Variants in LAMA1 observed in about 807,000 individuals in gnomAD.
The protein encoded by LAMA1 is laminin subunit alpha-1.
In LAMA1, 219 loss-of-function variants were observed where a neutral mutation model predicts 348.7. The observed-to-expected ratio is 0.63, with a 90% confidence interval of 0.56 to 0.70. The LOEUF (loss-of-function observed/expected upper bound fraction) is 0.70. LAMA1 is among the 30% of genes least tolerant of loss of function. LAMA1 has a pLI of 0.00. For synonymous variants in LAMA1, 1,487 were observed against 1,491.0 expected, an observed-to-expected ratio of 1.00 and a Z score of 0.06; for missense variants, 3,744 against 3,888.0, an observed-to-expected ratio of 0.96 and a Z score of 0.99.
intron 57 of LAMA1, among the ~76,000 whole-genome samples, chr18:6,951,561 T>G (rs2143977406): frequency 6.6e-6 from 1 of 152,230 alleles, no homozygotes; most frequent in South Asian, 2.1e-4. Context: ...GTGTTTGGAT[T>G]TTCGGCACAG....
In LAMA1 at chr18:7,021,590, G is replaced by T. The variant is rs79563293; in HGVS notation, c.2701+1574C>A. Among the ~76,000 whole-genome samples the T allele has an allele frequency of 4.4e-3, 670 of 151,698 alleles. 14 individuals carry two copies. The highest frequency in any genetic ancestry group is 0.04 in the East Asian group (205 of 5,154). ...ATTTTGATGACTCAGTACTAAAAAA[G>T]AAAGTAAATATTGCTTAATACTTTT... On this transcript the variant is annotated intron_variant, in intron 19 of 62. Coordinates refer to ENST00000389658, the MANE Select transcript of LAMA1 (RefSeq NM_005559.4).
rs748785300 is a variant in LAMA1 at position 6,985,299 on chromosome 18, G to A, written c.5598C>T (p.Asp1866=). 1 of 1,614,206 alleles carries A rather than the reference G, an allele frequency of 6.2e-7. No individual in the cohort carries two copies. The highest frequency in any genetic ancestry group is 8.5e-7 in the Non-Finnish European group (1 of 1,180,028). Residue 1866 remains aspartate, a synonymous_variant, in exon 39 of 63, where the codon GAC becomes GAT. Transcript: ENST00000389658. ...CATGGTCCTCAGCTCTGTAGACCAG[G>A]TCGACTGCGTTCCTTTGGGACATGT... The part of the protein sequence containing the change: ...VMHMSQRNAV[D]LVYRAEDHAA...
Position 6,965,430 on chromosome 18 carries a change from T to G in LAMA1, c.7053A>C (p.Lys2351Asn). 1 of 1,614,156 alleles carries G rather than the reference T, an allele frequency of 6.2e-7. No homozygotes were observed. The highest frequency in any genetic ancestry group is 8.5e-7 in the Non-Finnish European group (1 of 1,180,006). ...LLLYLGSYGTKDFLSIELFRG... is the reference protein window; with the variant it reads ...LLLYLGSYGTNDFLSIELFRG... Reference sequence around the variant, plus strand: ...GAAACAGCTCGATGGATAAAAAGTCTTTCTGTAAAAAAGAGAACACAGTTC... The same window carrying G: ...GAAACAGCTCGATGGATAAAAAGTCGTTCTGTAAAAAAGAGAACACAGTTC... The change falls in exon 50 of 63, where the codon AAA (lysine) becomes AAC (asparagine). Residue 2351 changes from lysine (K) to asparagine (N), a missense_variant and splice_region_variant. Physicochemically the swap from Lys to Asn is moderately conservative, Grantham distance 94 (BLOSUM62 0). Transcript: ENST00000389658.
At chr18:7,021,848 T>A (rs1555654364) in intron 19 of LAMA1, among the ~76,000 whole-genome samples, 5 of 61,054 alleles carry the variant, frequency 8.2e-5, no homozygotes, top group African/African-American at 2.6e-4. Flanking sequence ...TATATTATAT[T>A]ATATTATATA....
intron 48 of LAMA1, among the ~76,000 whole-genome samples, chr18:6,970,516 G>A (rs1340761580): frequency 6.6e-6 from 1 of 152,130 alleles, no homozygotes; most frequent in Admixed American, 6.6e-5. Context: ...CCAAAGTCAG[G>A]GAAGAAAATT....
chr18:6,945,278 T>A (rs536329170), intron 61 of LAMA1, among the ~76,000 whole-genome samples: 3 of 152,274 alleles, frequency 2.0e-5, no homozygotes, highest in African/African-American at 7.2e-5. Flanking sequence ...AAAAGTTGGC[T>A]GTAAGTCAGT....
chr18:7,050,545 T>C, intron 4 of LAMA1, 149 bp downstream of exon 4: 1 of 1,030,092 alleles, frequency 9.7e-7, no homozygotes, highest in Non-Finnish European at 1.4e-6. Flanking sequence ...TTTGTGAAAT[T>C]ACTTATAATA....
intron 34 of LAMA1, among the ~76,000 whole-genome samples, chr18:6,994,916 G>A (rs919991014): frequency 6.6e-6 from 1 of 152,072 alleles, no homozygotes; most frequent in Admixed American, 6.5e-5. Context: ...TTGCACAGAT[G>A]CCTCATCATG....
intron 3 of LAMA1, among the ~76,000 whole-genome samples, chr18:7,073,345 G>C (rs11876286): frequency 0.14 from 20,561 of 152,088 alleles, 4,607 homozygotes; most frequent in African/African-American, 0.47. Context: ...GTTGTGCAAT[G>C]ATCACTACCA....
At position 7,037,128 on chromosome 18, in the gene LAMA1, C is replaced by T. The variant is rs115302059; in HGVS notation, c.1737+450G>A. On this transcript the variant is annotated intron_variant, in intron 12 of 62. Coordinates refer to ENST00000389658, the MANE Select transcript of LAMA1 (RefSeq NM_005559.4). The stretch of plus-strand genomic sequence containing the variant: ...AGCTTCAGATGAGCACAGCCTGCCA[C>T]GGTACTCAAAGTGAGGGAGCAGCAC... 2.1e-3 allele frequency among the ~76,000 whole-genome samples: 320 copies of T among 152,284 alleles called. 1 individual carries two copies. Among genetic ancestry groups the T allele is most frequent in the African/African-American group, 7.2e-3 (298 of 41,552 alleles).
chr18:7,106,536 T>G (rs1434672036), intron 1 of LAMA1, among the ~76,000 whole-genome samples: 3 of 152,032 alleles, frequency 2.0e-5, no homozygotes, highest in Non-Finnish European at 4.4e-5. Context: ...ATTTTTGTAT[T>G]TTTAGTAGAT....
At chr18:7,110,751 G>C (rs1186669768) in intron 1 of LAMA1, among the ~76,000 whole-genome samples, 2 of 152,116 alleles carry the variant, frequency 1.3e-5, no homozygotes, top group African/African-American at 4.8e-5. Context: ...GAACTGGGAG[G>C]CGGAGGTTGC....
rs1239461620 is a variant in LAMA1 at position 6,993,677 on chromosome 18, C to T, written c.4972G>A (p.Ala1658Thr). The stretch of plus-strand genomic sequence containing the variant: ...ATCTGCAGCCTCTCAATGGCTATGG[C>T]CAGGTCTTGACTCTCCTTGAAGATT... ...ERIFKESQDL[A>T]IAIERLQMSI... Residue 1658 changes from alanine to threonine, a missense_variant, in exon 35 of 63, where the codon GCC becomes ACC. Coordinates refer to ENST00000389658, the MANE Select transcript of LAMA1 (RefSeq NM_005559.4). 1 of 1,613,994 alleles carries T rather than the reference C, an allele frequency of 6.2e-7. No individual in the cohort carries two copies. Among genetic ancestry groups the T allele is most frequent in the East Asian group, 2.2e-5 (1 of 44,874 alleles).
intron 15 of LAMA1, 96 bp downstream of exon 15, chr18:7,032,888 C>T: frequency 1.1e-6 from 1 of 927,318 alleles, no homozygotes; most frequent in Non-Finnish European, 1.7e-6. Context: ...GCTGCTAAAG[C>T]TAAAAATCAA....
At chr18:7,089,282 G>A (rs560196095) in intron 1 of LAMA1, among the ~76,000 whole-genome samples, 4 of 152,268 alleles carry the variant, frequency 2.6e-5, no homozygotes, top group African/African-American at 9.6e-5. Context: ...GGGAGATTGA[G>A]GCAGGAGAAT....
chr18:7,023,252 C>T lies in LAMA1; in HGVS notation c.2613G>A (p.Leu871=). ...CGCCATCTGTGTTCCCCAGGCACTT[C>T]AGGCACTCCCCGGTGACTGAGTCAC... The part of the protein sequence containing the change: ...GHCDSVTGEC[L]KCLGNTDGAH... The change falls in exon 19 of 63, where the codon CTG becomes CTA. Residue 871 remains leucine, a synonymous_variant. Coordinates refer to ENST00000389658, the MANE Select transcript of LAMA1 (RefSeq NM_005559.4). 1 of 1,614,094 alleles carries T rather than the reference C, an allele frequency of 6.2e-7. No homozygotes were observed. Among genetic ancestry groups the T allele is most frequent in the Non-Finnish European group, 8.5e-7 (1 of 1,180,044 alleles).
intron 49 of LAMA1, chr18:6,965,645 C>G (rs1203454688): frequency 1.7e-6 from 1 of 575,290 alleles, no homozygotes. Context: ...TCTGTTGTTA[C>G]CAAAATCCAC....
intron 13 of LAMA1, among the ~76,000 whole-genome samples, chr18:7,035,081 C>T (rs570143416): frequency 2.0e-5 from 3 of 152,294 alleles, no homozygotes; most frequent in South Asian, 2.1e-4. Flanking sequence ...AGTGATTTAC[C>T]GTGTGCGGTC....
At chr18:6,964,906 T>C in intron 50 of LAMA1, 103 bp from the exon 51 acceptor site, 3 of 1,283,152 alleles carry the variant, frequency 2.3e-6, no homozygotes, top group Non-Finnish European at 3.3e-6. Flanking sequence ...AAATGCATAT[T>C]CTTTTAGATT....
Sources: gnomAD v4.1 joint callset for allele counts (sites outside exome capture counted in the v4.1 genomes callset) on GRCh38, gnomAD v4.1.1 for gene constraint, MANE v1.5 for transcripts, NCBI Gene and HGNC (gene_info 2026-07-23, HGNC 2026-07-21) for gene names.